Variants in PHLDA1 observed in about 807,000 individuals in gnomAD.
PHLDA1 encodes the protein pleckstrin homology like domain family A member 1.
In PHLDA1, 28 loss-of-function variants were observed where a neutral mutation model predicts 33.8. The ratio of observed to expected loss-of-function variants is 0.83; its 90% CI spans 0.61 to 1.14. The LOEUF is 1.14. Ranked by LOEUF, PHLDA1 falls within the 50% of genes most tolerant of loss-of-function variation. PHLDA1 has a pLI of 0.00. For synonymous variants in PHLDA1, 271 were observed against 243.6 expected (o/e 1.11, Z -1.05); for missense variants, 595 against 548.6 (o/e 1.08, Z -0.84).
chr12:76,031,570 C>T lies in PHLDA1; in HGVS notation c.172G>A (p.Asp58Asn). The change falls in exon 1 of 2, where the codon GAC becomes AAC. Residue 58 changes from aspartate to asparagine, a missense_variant. Coordinates refer to ENST00000266671, the Ensembl canonical transcript of PHLDA1. This position sits in a 1 kb window ranked among gnomAD's most constrained non-coding sequence, Gnocchi z 5.4. Reference sequence around the variant, plus strand: ...CTCCGAGCTGCCGGGCCTCTGCCGTCCTCTTGCGAGCGCTCACTGAAGGGC... The same window carrying T: ...CTCCGAGCTGCCGGGCCTCTGCCGTTCTCTTGCGAGCGCTCACTGAAGGGC... 2 of 1,570,904 alleles carry T rather than the reference C, an allele frequency of 1.3e-6. No homozygotes were observed. Among genetic ancestry groups the T allele is most frequent in the South Asian group, 2.3e-5 (2 of 85,516 alleles).
chr12:76,029,618 G>C (rs984988518), exon 2 of PHLDA1: 1 of 152,554 alleles, frequency 6.6e-6, no homozygotes, highest in African/African-American at 2.4e-5. Flanking sequence ...GAAAGTGTCA[G>C]ACTTTCTGAA....
chr12:76,028,466 A>G (rs1870823657), exon 2 of PHLDA1: 1 of 152,200 alleles, frequency 6.6e-6, no homozygotes. Context: ...ATTGCACTAA[A>G]AAGTAATTTG....
chr12:76,030,425 C>G, intron 1 of PHLDA1, 85 bp downstream of exon 1: 1 of 1,055,914 alleles, frequency 9.5e-7, no homozygotes, highest in East Asian at 2.4e-5. Context: ...CATACAGGAG[C>G]CGAACCTGTG....
Position 76,031,381 on chromosome 12 carries a change from G to A in PHLDA1, c.361C>T (p.Pro121Ser). The change falls in exon 1 of 2, where the codon CCG (proline) becomes TCG (serine). Residue 121 changes from proline to serine, a missense_variant. By Grantham distance (74) the Pro-to-Ser change is moderately conservative. This residue lies in a region of PHLDA1 where 263 missense variants were observed against 232.3 expected (regional missense o/e 1.13). Coordinates refer to ENST00000266671, the Ensembl canonical transcript of PHLDA1. This position sits in a 1 kb window ranked among gnomAD's most constrained non-coding sequence, Gnocchi z 5.4. ...TCTCCGTTTCCAGCCGCGCGGGCCG[G>A]GGGCAGCAGCAGCAGCCTCGCGCCG... 6.2e-7 allele frequency: 1 copy of A among 1,605,910 alleles called. No homozygotes were observed. Among genetic ancestry groups the A allele is most frequent in the South Asian group, 1.1e-5 (1 of 90,248 alleles).
At chr12:76,030,306 T>C (rs1417702007) in intron 1 of PHLDA1, among the ~76,000 whole-genome samples, 2 of 152,190 alleles carry the variant, frequency 1.3e-5, no homozygotes, top group African/African-American at 4.8e-5. Flanking sequence ...CGAGGCCCCC[T>C]GCCTGGCCCG....
At chr12:76,030,658 G>A (rs373058219) in exon 1 of PHLDA1, 38 of 1,333,044 alleles carry the variant, frequency 2.9e-5, no homozygotes, top group African/African-American at 1.9e-4. Context: ...TGCGAGTGAG[G>A]ATGAGAGTGT....
rs1213567051 is a variant in PHLDA1, at chr12:76,031,685, G to A, written c.57C>T (p.Cys19=). ...GCGGAAAAGGCGGCTCCTGGCGCCC[G>A]CACCGCGGGGGAAAGCCCAGCTCCA... Residue 19 remains cysteine, a synonymous_variant, in exon 1 of 2, where the codon TGC becomes TGT. Transcript: ENST00000266671. The surrounding 1 kb of genome is among the most constrained non-coding windows in gnomAD (Gnocchi z 5.4). 1.4e-6 allele frequency: 2 copies of A among 1,463,370 alleles called. No individual in the cohort carries two copies. The highest frequency in any genetic ancestry group is 2.8e-5 in the East Asian group (1 of 36,298). 90.6% of individuals were successfully genotyped at this position (1,463,370 alleles called of 1,614,324 possible).
chr12:76,028,824 C>T (rs1870829774), exon 2 of PHLDA1: 1 of 152,478 alleles, frequency 6.6e-6, no homozygotes, highest in Non-Finnish European at 1.5e-5. Flanking sequence ...TCTTTTTTCC[C>T]CCAACAGACT....
chr12:76,026,594 T>C (rs1870778797), exon 2 of PHLDA1: 1 of 150,298 alleles, frequency 6.7e-6, no homozygotes, highest in African/African-American at 2.4e-5. Flanking sequence ...AATGCGTAGT[T>C]TTTATTTTTA....
At chr12:76,030,739 G>A (rs1335074075) in exon 1 of PHLDA1, 6 of 1,244,608 alleles carry the variant, frequency 4.8e-6, no homozygotes, top group Non-Finnish European at 3.5e-6. Flanking sequence ...TGAGGCTGGG[G>A]TTGTGATTGG....
exon 2 of PHLDA1, chr12:76,026,444 A>C (rs1000883535): frequency 1.3e-5 from 2 of 152,144 alleles, no homozygotes; most frequent in Admixed American, 1.3e-4. Flanking sequence ...TCAGATATAA[A>C]ATTAGGGCTT....
exon 2 of PHLDA1, chr12:76,025,814 C>T (rs951215935): frequency 6.6e-6 from 1 of 152,222 alleles, no homozygotes; most frequent in Admixed American, 6.5e-5. Context: ...TAGGTCTCAC[C>T]AGTTTTTGTG....
At chr12:76,026,798 C>G (rs1870783575) in exon 2 of PHLDA1, 2 of 152,212 alleles carry the variant, frequency 1.3e-5, no homozygotes, top group Non-Finnish European at 2.9e-5. Flanking sequence ...TGGATTTCCA[C>G]TAAGAAAGTC....
intron 1 of PHLDA1, 111 bp from the exon 2 acceptor site, chr12:76,030,203 C>T: frequency 2.4e-6 from 1 of 409,234 alleles, no homozygotes; most frequent in Non-Finnish European, 4.5e-6. Context: ...CGTGGTGTTT[C>T]CCTCAACTGC....
Position 76,031,762 on chromosome 12 carries a change from G to C in PHLDA1, c.-21C>G, listed in dbSNP as rs1299838746. ...CTCATTAACTTGGGGCCTTTCCAAA[G>C]CCCGCTGCGTCCACGCCCTCCAGCG... On this transcript the variant is annotated 5_prime_UTR_variant, in exon 1 of 2. Coordinates refer to ENST00000266671, the Ensembl canonical transcript of PHLDA1. The surrounding 1 kb of genome is among the most constrained non-coding windows in gnomAD (Gnocchi z 5.4). The C allele has an allele frequency of 7.4e-7, 1 of 1,348,394 alleles. No homozygotes were observed. Among genetic ancestry groups the C allele is most frequent in the Non-Finnish European group, 9.6e-7 (1 of 1,047,046 alleles). 83.5% of individuals were successfully genotyped at this position (1,348,394 alleles called of 1,614,324 possible). A position where few individuals can be genotyped will look rare whatever the true frequency, so the allele number is the denominator to read the frequency against.
In PHLDA1 at chr12:76,031,710, A is replaced by G. The variant is rs1453012507; in HGVS notation, c.32T>C (p.Leu11Ser). 1 of 1,409,494 alleles carries G rather than the reference A, an allele frequency of 7.1e-7. No individual in the cohort carries two copies. The allele number at this position is 1,409,494 out of a possible 1,614,324, so 87.3% of individuals were successfully genotyped here. A position where few individuals can be genotyped will look rare whatever the true frequency, so the allele number is the denominator to read the frequency against. The change falls in exon 1 of 2, where the codon TTG (leucine) becomes TCG (serine). Residue 11 changes from leucine (L) to serine (S), a missense_variant. By Grantham distance (145) the Leu-to-Ser change is moderately radical. Transcript: ENST00000266671. The surrounding 1 kb of genome is among the most constrained non-coding windows in gnomAD (Gnocchi z 5.4). The stretch of plus-strand genomic sequence containing the variant: ...GCACCGCGGGGGAAAGCCCAGCTCC[A>G]AGAGGCGCTCGGCAGCCGGCGCACG...
exon 2 of PHLDA1, chr12:76,026,196 T>G (rs1012537338): frequency 6.6e-6 from 1 of 152,200 alleles, no homozygotes. Context: ...ATTTTATTGG[T>G]AAAGCAAAAA....
At position 76,030,971 on chromosome 12, in the gene PHLDA1, T is replaced by C. The variant is rs139784190; in HGVS notation, c.771A>G (p.Ala257=). 54 of 1,613,906 alleles carry C rather than the reference T, an allele frequency of 3.3e-5. No homozygotes were observed. In the Middle Eastern group the frequency reaches 6.6e-4, roughly 20 times the overall value. ...ACCGAAAGTCGATCTCCTTGCCCTC[T>C]GCCATCACCACAGTGAAGTACATGT... is the stretch of plus-strand genomic sequence containing the variant. Residue 257 remains alanine, a synonymous_variant, in exon 1 of 2, where the codon GCA becomes GCG. Coordinates refer to ENST00000266671, the Ensembl canonical transcript of PHLDA1.
intron 1 of PHLDA1, 128 bp from the exon 2 acceptor site, chr12:76,030,220 A>T (rs6582328): frequency 0.47 from 211,588 of 448,012 alleles, 52,789 homozygotes; most frequent in Non-Finnish European, 0.53. Context: ...CTGCCCAAAC[A>T]TATAGTCAAG....
Sources: allele counts gnomAD v4.1 joint callset (sites outside exome capture counted in the v4.1 genomes callset), GRCh38; gene constraint gnomAD v4.1.1; regional missense constraint gnomAD v4.1.1; non-coding constraint Gnocchi (gnomAD v3.1); transcripts MANE v1.5; gene names NCBI Gene and HGNC (gene_info 2026-07-23, HGNC 2026-07-21).